ZNF221: variants seen among roughly 807,000 people sequenced by gnomAD.
ZNF221 encodes zinc finger protein 221.
In ZNF221, 10 loss-of-function variants were observed where a neutral mutation model predicts 12.6. That is an observed-to-expected ratio of 0.79 (90% CI 0.49 to 1.34). ZNF221 has a LOEUF of 1.34. ZNF221 is among the 40% of genes most tolerant of loss of function. ZNF221 has a pLI of 0.00. For synonymous variants in ZNF221, 232 were observed against 244.0 expected (o/e 0.95, Z 0.46); for missense variants, 661 against 721.4 (o/e 0.92, Z 0.96).
At chr19:43,956,089 T>G (rs1306632752) in intron 1 of ZNF221, among the ~76,000 whole-genome samples, 1 of 152,166 alleles carries the variant, frequency 6.6e-6, no homozygotes, top group Admixed American at 6.5e-5. Flanking sequence ...AATTTTCTAG[T>G]CCAAAGTCTC....
the ZNF221 span, among the ~76,000 whole-genome samples, chr19:43,973,583 C>T: frequency 3.9e-5 from 6 of 152,044 alleles, no homozygotes; most frequent in African/African-American, 7.2e-5. Flanking sequence ...TGTGCAAAAC[C>T]GCTAGCATTC....
At chr19:43,954,594 A>G (rs146156268) in intron 1 of ZNF221, among the ~76,000 whole-genome samples, 71 of 152,254 alleles carry the variant, frequency 4.7e-4, no homozygotes, top group African/African-American at 1.5e-3. Context: ...CTGTTAGCCC[A>G]ATTTTGCCAG....
downstream of ZNF221, among the ~76,000 whole-genome samples, chr19:43,971,791 T>G (rs894404549): frequency 6.6e-6 from 1 of 152,146 alleles, no homozygotes; most frequent in African/African-American, 2.4e-5. Context: ...CAAAGAGACT[T>G]AGACTCCCAC....
At chr19:43,963,637 G>GT (rs1373837460) in intron 2 of ZNF221, among the ~76,000 whole-genome samples, 1 of 152,162 alleles carries the variant, frequency 6.6e-6, no homozygotes, top group Non-Finnish European at 1.5e-5. Context: ...AATCACTTGT[G>GT]TTGTGTTACT....
the ZNF221 span, chr19:43,978,256 G>C: frequency 6.6e-6 from 1 of 152,156 alleles, no homozygotes; most frequent in South Asian, 2.1e-4. Flanking sequence ...TGGAAAGGTG[G>C]TAACTCTCTC....
chr19:43,980,106 G>A, the ZNF221 span, among the ~76,000 whole-genome samples: 1 of 152,202 alleles, frequency 6.6e-6, no homozygotes, highest in Non-Finnish European at 1.5e-5. Context: ...AAAAAGATGA[G>A]GACAAGGCAT....
chr19:43,978,563 C>T, the ZNF221 span: 2 of 152,114 alleles, frequency 1.3e-5, no homozygotes, highest in Non-Finnish European at 2.9e-5. Flanking sequence ...AAATTGGTCA[C>T]AGGATGATAT....
the ZNF221 span, among the ~76,000 whole-genome samples, chr19:43,972,719 A>C: frequency 6.7e-6 from 1 of 148,802 alleles, no homozygotes; most frequent in Non-Finnish European, 1.5e-5. Flanking sequence ...GAATCCTTGA[A>C]TAGACCAATA....
Position 43,967,496 on chromosome 19 carries a change from T to G in ZNF221, c.*140T>G, listed in dbSNP as rs1599821555. 1.8e-6 allele frequency: 1 copy of G among 565,418 alleles called. No individual in the cohort carries two copies. 35.0% of individuals were successfully genotyped at this position (565,418 alleles called of 1,614,324 possible). A position where few individuals can be genotyped will look rare whatever the true frequency, so the allele number is the denominator to read the frequency against. On this transcript the variant is annotated 3_prime_UTR_variant, in exon 5 of 5. Coordinates refer to ENST00000587682, the MANE Select transcript of ZNF221 (RefSeq NM_001297588.2). ...AGATCATATCTTTTTTTTTTTTTTT[T>G]GAGACAGAGTCTCACTCTTTCACCC...
the ZNF221 span, among the ~76,000 whole-genome samples, chr19:43,977,946 A>G: frequency 3.9e-5 from 6 of 152,190 alleles, no homozygotes; most frequent in Non-Finnish European, 8.8e-5. Flanking sequence ...ACAAAACAGA[A>G]TCTGTAAAGG....
the ZNF221 span, among the ~76,000 whole-genome samples, chr19:43,973,269 A>ATT: frequency 2.0e-5 from 3 of 152,292 alleles, no homozygotes; most frequent in African/African-American, 7.2e-5. Flanking sequence ...AGAGCCATAG[A>ATT]TTTCAAACCC....
intron 1 of ZNF221, among the ~76,000 whole-genome samples, chr19:43,959,964 G>A (rs1301673061): frequency 7.6e-6 from 1 of 132,162 alleles, no homozygotes; most frequent in Non-Finnish European, 1.6e-5. Context: ...AGAAGATGAG[G>A]GAAAACTTGG....
At chr19:43,958,612 G>A (rs1974795482) in intron 1 of ZNF221, among the ~76,000 whole-genome samples, 2 of 152,178 alleles carry the variant, frequency 1.3e-5, no homozygotes, top group African/African-American at 4.8e-5. Flanking sequence ...ATGTCCACCT[G>A]GGAGGACACG....
rs1466016745 is a variant in ZNF221, at chr19:43,965,288, G to A, written c.264G>A (p.Trp88Ter). 32 of 1,613,620 alleles carry A rather than the reference G, an allele frequency of 2.0e-5. No individual in the cohort carries two copies. The highest frequency in any genetic ancestry group is 2.6e-5 in the Non-Finnish European group (31 of 1,179,822). The change falls in exon 4 of 5, where the codon TGG becomes TGA. Residue 88 changes from tryptophan to a stop codon, truncating the protein, a stop_gained. Transcript: ENST00000587682. LOFTEE classifies it low-confidence loss of function (END_TRUNC). Reference sequence around the variant, plus strand: ...ACTTCTTAGGGAAGGAAAAGTTTTGGAAGATGAAGACAACAAGCCAAAGAG... The same window carrying A: ...ACTTCTTAGGGAAGGAAAAGTTTTGAAAGATGAAGACAACAAGCCAAAGAG... ...TFHFLGKEKF[W>*]KMKTTSQREG...
downstream of ZNF221, among the ~76,000 whole-genome samples, chr19:43,970,745 T>G (rs1975079899): frequency 6.6e-6 from 1 of 151,950 alleles, no homozygotes; most frequent in Non-Finnish European, 1.5e-5. Flanking sequence ...ACAAAACCTC[T>G]GAAAAAAAAT....
intron 2 of ZNF221, among the ~76,000 whole-genome samples, chr19:43,964,458 C>A (rs1358607920): frequency 6.6e-6 from 1 of 152,172 alleles, no homozygotes; most frequent in African/African-American, 2.4e-5. Context: ...GGATGCAATG[C>A]ATAGCTGTCC....
At chr19:43,978,260 C>G in the ZNF221 span, 1 of 152,178 alleles carries the variant, frequency 6.6e-6, no homozygotes, top group African/African-American at 2.4e-5. Context: ...AAGGTGGTAA[C>G]TCTCTCAAAC....
intron 1 of ZNF221, among the ~76,000 whole-genome samples, chr19:43,956,418 T>C (rs1974754149): frequency 6.6e-6 from 1 of 152,216 alleles, no homozygotes; most frequent in African/African-American, 2.4e-5. Context: ...AGTCCAACTT[T>C]CATAATCCTA....
chr19:43,956,842 TTAAA>T (rs1352999703), intron 1 of ZNF221, among the ~76,000 whole-genome samples: 1 of 152,256 alleles, frequency 6.6e-6, no homozygotes, highest in African/African-American at 2.4e-5. Context: ...GTAAAAAATC[TTAAA>T]TAAGTCAAAC....
Sources: gnomAD v4.1 joint callset for allele counts (sites outside exome capture counted in the v4.1 genomes callset) on GRCh38, gnomAD v4.1.1 for gene constraint, MANE v1.5 for transcripts, NCBI Gene and HGNC (gene_info 2026-07-23, HGNC 2026-07-21) for gene names.